NDST3: variants seen among roughly 807,000 people sequenced by gnomAD.
NDST3 encodes N-deacetylase and N-sulfotransferase 3.
In NDST3, 58 loss-of-function variants were observed where a neutral mutation model predicts 96.1. The ratio of observed to expected loss-of-function variants is 0.60; its 90% CI spans 0.49 to 0.75. The LOEUF is 0.75. Ranked by LOEUF, NDST3 falls within the 30% of genes least tolerant of loss-of-function variation. The probability of loss-of-function intolerance (pLI) is 0.00; values close to 1 mark genes in which losing one functional copy is unlikely to be tolerated. For missense variants in NDST3, 788 were observed against 1,034.2 expected (o/e 0.76, Z 3.27); for synonymous variants, 333 against 359.7 (o/e 0.93, Z 0.84).
intron 8 of NDST3, among the ~76,000 whole-genome samples, chr4:118,230,916 G>C (rs575266068): frequency 6.6e-6 from 1 of 151,982 alleles, no homozygotes; most frequent in Non-Finnish European, 1.5e-5. Context: ...AGATATGGTA[G>C]ATTTAAGTAA....
chr4:118,239,198 C>CA (rs1740865033), intron 10 of NDST3, among the ~76,000 whole-genome samples: 1 of 152,146 alleles, frequency 6.6e-6, no homozygotes, highest in Non-Finnish European at 1.5e-5. Context: ...AAGTTCTTGA[C>CA]AATCATAATA....
chr4:118,085,531 G>A (rs948055430), intron 2 of NDST3, among the ~76,000 whole-genome samples: 9 of 152,148 alleles, frequency 5.9e-5, no homozygotes, highest in Non-Finnish European at 1.2e-4. Context: ...ACAATATGCA[G>A]AATGATAAGT....
At position 118,240,538 on chromosome 4, in the gene NDST3, T is replaced by A. The variant is rs768992581; in HGVS notation, c.2133T>A (p.His711Gln). The change falls in exon 11 of 14, where the codon CAT becomes CAA. Residue 711 changes from histidine (H) to glutamine (Q), a missense_variant. By Grantham distance (24) the His-to-Gln change is conservative (BLOSUM62 0). Transcript: ENST00000296499. ...AYSWYQHQRS[H>Q]EDPAALKFSF... ...TTTCATCATAGCATCAGCGATCACATGAAGACCCTGCAGCTCTGAAGTTTA... is the reference window on the plus strand; with the variant it reads ...TTTCATCATAGCATCAGCGATCACAAGAAGACCCTGCAGCTCTGAAGTTTA... 6.2e-7 allele frequency: 1 copy of A among 1,611,788 alleles called. No individual in the cohort carries two copies. The highest frequency in any genetic ancestry group is 1.7e-5 in the Admixed American group (1 of 59,656).
At chr4:118,115,138 A>G (rs552786212) in intron 4 of NDST3, among the ~76,000 whole-genome samples, 178 bp downstream of exon 4, 14 of 152,288 alleles carry the variant, frequency 9.2e-5, no homozygotes, top group Non-Finnish European at 1.9e-4. Context: ...GCTCACCACT[A>G]TGCTTAATGT....
chr4:118,063,594 T>C (rs961928907), intron 2 of NDST3, among the ~76,000 whole-genome samples: 6 of 152,192 alleles, frequency 3.9e-5, no homozygotes, highest in African/African-American at 1.4e-4. Context: ...TGTATCTCTA[T>C]GCTGGTGATT....
intron 5 of NDST3, among the ~76,000 whole-genome samples, chr4:118,142,336 T>C (rs1184410642): frequency 2.6e-5 from 4 of 151,974 alleles, no homozygotes; most frequent in Non-Finnish European, 2.9e-5. Flanking sequence ...CTGATTGAGC[T>C]GTCTGTCCAA....
intron 4 of NDST3, among the ~76,000 whole-genome samples, chr4:118,127,098 C>T (rs1001009643): frequency 6.6e-6 from 1 of 151,824 alleles, no homozygotes; most frequent in African/African-American, 2.4e-5. Flanking sequence ...TTATTAATCT[C>T]TTGTCAGATG....
At chr4:118,252,712 G>T (rs184667041) in intron 12 of NDST3, among the ~76,000 whole-genome samples, 27 of 152,262 alleles carry the variant, frequency 1.8e-4, no homozygotes, top group African/African-American at 6.0e-4. Context: ...CCAACATGGA[G>T]AAACTCCGTC....
In NDST3 at chr4:118,105,029, T is replaced by A. The variant is rs1215249833; in HGVS notation, c.993T>A (p.Asp331Glu). ...MNTNDVKALLDTQNLLRAQIT... is the reference protein window; with the variant it reads ...MNTNDVKALLETQNLLRAQIT... ...ATTATGTATTTCAGGCCCTGCTTGA[T>A]ACTCAGAATCTTTTGCGTGCACAAA... Residue 331 changes from aspartate (D) to glutamate (E), a missense_variant, in exon 3 of 14, where the codon GAT (aspartate) becomes GAA (glutamate). Coordinates refer to ENST00000296499, the MANE Select transcript of NDST3 (RefSeq NM_004784.3). 1.2e-6 allele frequency: 2 copies of A among 1,613,208 alleles called. No homozygotes were observed.
Position 118,255,668 on chromosome 4 carries a change from C to A in NDST3, c.2578C>A (p.Pro860Thr). The A allele has an allele frequency of 6.2e-7, 1 of 1,613,688 alleles. No individual in the cohort carries two copies. Among genetic ancestry groups the A allele is most frequent in the Non-Finnish European group, 8.5e-7 (1 of 1,179,732 alleles). Residue 860 changes from proline to threonine, a missense_variant, in exon 14 of 14, where the codon CCT becomes ACT. Transcript: ENST00000296499. ...AAAGCTGCTGCACAAACTGGGTCAG[C>A]CTCTGCCATCCTGGCTGAGACAGGA... ...LSKLLHKLGQ[P>T]LPSWLRQELQ...
intron 6 of NDST3, chr4:118,194,696 G>C: frequency 1.7e-6 from 1 of 596,674 alleles, no homozygotes; most frequent in South Asian, 1.8e-5. Flanking sequence ...TCCCTCCATG[G>C]GAAGAGGCGC....
chr4:118,138,316 A>G, intron 5 of NDST3, 77 bp downstream of exon 5: 11 of 1,284,324 alleles, frequency 8.6e-6, no homozygotes, highest in Non-Finnish European at 1.2e-5. Flanking sequence ...AGAAAAACAC[A>G]AATGTTAGCA....
chr4:118,077,558 T>C (rs1727650205), intron 2 of NDST3, among the ~76,000 whole-genome samples: 1 of 152,188 alleles, frequency 6.6e-6, no homozygotes, highest in Non-Finnish European at 1.5e-5. Context: ...TGCATTTCTT[T>C]TCTTGGGTGT....
chr4:118,161,511 G>A (rs1735129829), intron 6 of NDST3, among the ~76,000 whole-genome samples: 6 of 152,192 alleles, frequency 3.9e-5, no homozygotes, highest in Admixed American at 3.9e-4. Context: ...TCCTTGAGCT[G>A]TGGTGGGCTC....
rs1740420055 is a variant in NDST3 at position 118,233,142 on chromosome 4, T to C, written c.1943+7T>C. On this transcript the variant is annotated splice_region_variant and intron_variant, in intron 9 of 13. Coordinates refer to ENST00000296499, the MANE Select transcript of NDST3 (RefSeq NM_004784.3). The stretch of plus-strand genomic sequence containing the variant: ...ACCACAGGGGGATTGATTGGTAAGA[T>C]GGGTTATTAGTATAAATCTAAAAGT... 1 of 1,609,300 alleles carries C rather than the reference T, an allele frequency of 6.2e-7. No individual in the cohort carries two copies. The highest frequency in any genetic ancestry group is 1.1e-5 in the South Asian group (1 of 90,838).
At chr4:118,163,640 T>C (rs899930530) in intron 6 of NDST3, among the ~76,000 whole-genome samples, 3 of 152,040 alleles carry the variant, frequency 2.0e-5, no homozygotes, top group South Asian at 4.1e-4. Flanking sequence ...TGAGGAGATA[T>C]ACCTAATGCT....
intron 6 of NDST3, among the ~76,000 whole-genome samples, chr4:118,169,463 A>ACAAT (rs1735778561): frequency 2.0e-5 from 3 of 152,070 alleles, no homozygotes; most frequent in African/African-American, 7.2e-5. Flanking sequence ...TAATCATTTT[A>ACAAT]CAATCTCTCA....
chr4:118,179,929 T>G (rs560784134), intron 6 of NDST3, among the ~76,000 whole-genome samples: 1 of 152,144 alleles, frequency 6.6e-6, no homozygotes, highest in East Asian at 1.9e-4. Flanking sequence ...ACAGCTCTAC[T>G]TTACTACAAG....
At chr4:118,252,311 G>T (rs1741798936) in intron 12 of NDST3, among the ~76,000 whole-genome samples, 1 of 152,084 alleles carries the variant, frequency 6.6e-6, no homozygotes, top group East Asian at 1.9e-4. Context: ...AAATCAGCAG[G>T]CCTAGACTTG....
Sources: gnomAD v4.1 joint callset for allele counts (sites outside exome capture counted in the v4.1 genomes callset) on GRCh38, gnomAD v4.1.1 for gene constraint, MANE v1.5 for transcripts, NCBI Gene and HGNC (gene_info 2026-07-23, HGNC 2026-07-21) for gene names.